WDPCP: variants seen among roughly 807,000 people sequenced by gnomAD.
WDPCP encodes WD repeat-containing and planar cell polarity effector protein fritz homolog.
A neutral mutation model predicts 93.1 loss-of-function variants in WDPCP; 71 were observed. The ratio of observed to expected loss-of-function variants is 0.76; its 90% CI spans 0.63 to 0.93. The LOEUF is 0.93. Among genes scored for constraint, WDPCP ranks in the 40% least tolerant of loss-of-function variants. The probability of loss-of-function intolerance (pLI) is 0.00; values close to 1 mark genes in which losing one functional copy is unlikely to be tolerated. For synonymous variants in WDPCP, 315 were observed against 315.0 expected (o/e 1.00, Z 0.00); for missense variants, 844 against 887.4 (o/e 0.95, Z 0.62).
At chr2:63,664,287 A>G (rs975283498) in intron 2 of WDPCP, among the ~76,000 whole-genome samples, 4 of 152,228 alleles carry the variant, frequency 2.6e-5, no homozygotes, top group African/African-American at 9.6e-5. Flanking sequence ...GGGTGGCTGG[A>G]AGAATGTCCA....
intron 3 of WDPCP, chr2:63,622,779 A>G: frequency 6.2e-7 from 1 of 1,612,490 alleles, no homozygotes; most frequent in Non-Finnish European, 8.5e-7. Context: ...GGCGGCGAAC[A>G]CTTGGTCCCA....
At chr2:63,462,000 G>T (rs1035452062) in intron 6 of WDPCP, among the ~76,000 whole-genome samples, 1 of 152,176 alleles carries the variant, frequency 6.6e-6, no homozygotes, top group Non-Finnish European at 1.5e-5. Context: ...CCATTACTGG[G>T]TGTATATCCA....
chr2:63,603,828 T>C (rs1346664082), intron 3 of WDPCP, among the ~76,000 whole-genome samples: 1 of 152,152 alleles, frequency 6.6e-6, no homozygotes, highest in Non-Finnish European at 1.5e-5. Flanking sequence ...CGGCTAACTT[T>C]GTATTTTTAG....
At chr2:63,795,216 G>A (rs1443178772) in intron 2 of WDPCP, among the ~76,000 whole-genome samples, 1 of 152,162 alleles carries the variant, frequency 6.6e-6, no homozygotes, top group African/African-American at 2.4e-5. Context: ...CCCCAAAATT[G>A]TGGAGTTGGA....
chr2:63,516,669 A>G (rs1702573713), intron 1 of WDPCP, among the ~76,000 whole-genome samples: 1 of 152,160 alleles, frequency 6.6e-6, no homozygotes, highest in South Asian at 2.1e-4. Flanking sequence ...GCTCCAGGCC[A>G]GCATTCAGAT....
At chr2:63,162,614 T>G (rs1462314603) in intron 15 of WDPCP, among the ~76,000 whole-genome samples, 1 of 152,126 alleles carries the variant, frequency 6.6e-6, no homozygotes, top group African/African-American at 2.4e-5. Context: ...AGTTAACTTA[T>G]TATTAAATAT....
intron 12 of WDPCP, among the ~76,000 whole-genome samples, chr2:63,325,310 C>T (rs566119868): frequency 3.5e-4 from 53 of 152,314 alleles, no homozygotes; most frequent in African/African-American, 1.2e-3. Flanking sequence ...AAGCCACCCC[C>T]TCGTCCATGT....
At chr2:63,714,270 G>A (rs1041922422) in intron 2 of WDPCP, among the ~76,000 whole-genome samples, 1 of 151,812 alleles carries the variant, frequency 6.6e-6, no homozygotes, top group African/African-American at 2.4e-5. Flanking sequence ...ATCTTGGCCA[G>A]CTGGTCAGGC....
At chr2:63,166,159 C>T (rs1242311220) in intron 15 of WDPCP, among the ~76,000 whole-genome samples, 1 of 151,554 alleles carries the variant, frequency 6.6e-6, no homozygotes, top group Non-Finnish European at 1.5e-5. Flanking sequence ...CTCCGCCTCT[C>T]GGGTCCAAGC....
At position 63,634,697 on chromosome 2, in the gene WDPCP, C is replaced by A. The variant is rs1709903381; in HGVS notation, n.488+15962G>T. Among the ~76,000 whole-genome samples, 2 of 151,964 alleles carry A rather than the reference C, an allele frequency of 1.3e-5. 1 individual carries two copies. The highest frequency in any genetic ancestry group is 4.1e-4 in the South Asian group (2 of 4,828). On this transcript the variant is annotated intron_variant and non_coding_transcript_variant, in intron 3 of 4. Coordinates refer to the WDPCP transcript ENST00000467687. ...TAAAATTAAACAACACACTCCAGAA[C>A]AATCAATGGATAAAAGAAGAAATCA... is the stretch of plus-strand genomic sequence containing the variant.
rs919475325 is a variant in WDPCP, at chr2:63,303,674, G to A, written c.1812+9574C>T. Among the ~76,000 whole-genome samples the A allele has an allele frequency of 3.9e-5, 6 of 152,240 alleles. No individual in the cohort carries two copies. In the South Asian group the frequency reaches 1.2e-3, roughly 32 times the overall value. ...CAGTGGGGCTAAGTAAAGATACCAGGGGCAACACGGTAAAGATTCACCGTT... is the reference window on the plus strand; with the variant it reads ...CAGTGGGGCTAAGTAAAGATACCAGAGGCAACACGGTAAAGATTCACCGTT... On this transcript the variant is annotated intron_variant, in intron 13 of 17. Transcript: ENST00000272321.
intron 12 of WDPCP, among the ~76,000 whole-genome samples, chr2:63,332,537 T>C (rs767262578): frequency 6.6e-6 from 1 of 152,182 alleles, no homozygotes. Flanking sequence ...ATTTTTTCTT[T>C]GGTAATGTGT....
intron 12 of WDPCP, among the ~76,000 whole-genome samples, chr2:63,351,107 A>G (rs575657828): frequency 6.6e-6 from 1 of 151,932 alleles, no homozygotes; most frequent in African/African-American, 2.4e-5. Flanking sequence ...TCGGCCTCTC[A>G]AGTAGCTGGG....
chr2:63,838,018 T>C, the WDPCP span, among the ~76,000 whole-genome samples: 2 of 151,824 alleles, frequency 1.3e-5, no homozygotes, highest in South Asian at 4.2e-4. Flanking sequence ...ATCCAGCTAC[T>C]CAGGAGGTGG....
Position 63,439,940 on chromosome 2 carries a change from T to C in WDPCP, c.385-69A>G, listed in dbSNP as rs1697396003. 9.6e-6 allele frequency: 11 copies of C among 1,146,020 alleles called. No homozygotes were observed. The South Asian group carries it at 1.4e-4, about 14-fold the overall frequency. The allele number at this position is 1,146,020 out of a possible 1,614,324, so 71.0% of individuals were successfully genotyped here. ...TGATTTAGAATCTTTAAAAAACCTC[T>C]CTCCAAATATACAACTTATACAGAT... On this transcript the variant is annotated intron_variant, in intron 6 of 17. Coordinates refer to ENST00000272321, the MANE Select transcript of WDPCP (RefSeq NM_015910.7).
intron 1 of WDPCP, among the ~76,000 whole-genome samples, chr2:63,585,473 G>C (rs1431180685): frequency 6.6e-6 from 1 of 151,806 alleles, no homozygotes; most frequent in Non-Finnish European, 1.5e-5. Context: ...TAATAATTTG[G>C]TCTCTGATTT....
At chr2:63,316,224 G>A (rs1686629745) in intron 12 of WDPCP, among the ~76,000 whole-genome samples, 1 of 152,048 alleles carries the variant, frequency 6.6e-6, no homozygotes, top group South Asian at 2.1e-4. Flanking sequence ...GACTACACAG[G>A]GAATTAAGTT....
intron 1 of WDPCP, among the ~76,000 whole-genome samples, chr2:63,821,064 G>A (rs990381633): frequency 6.6e-6 from 1 of 152,126 alleles, no homozygotes; most frequent in Non-Finnish European, 1.5e-5. Flanking sequence ...CATTTAATTC[G>A]ACATGTGACT....
intron 13 of WDPCP, among the ~76,000 whole-genome samples, chr2:63,285,668 G>T (rs1331329353): frequency 6.6e-6 from 1 of 152,096 alleles, no homozygotes; most frequent in African/African-American, 2.4e-5. Flanking sequence ...GGGGGAAAAA[G>T]CCATTTCATG....
Sources: gnomAD v4.1 joint callset for allele counts (sites outside exome capture counted in the v4.1 genomes callset) on GRCh38, gnomAD v4.1.1 for gene constraint, MANE v1.5 for transcripts, NCBI Gene and HGNC (gene_info 2026-07-23, HGNC 2026-07-21) for gene names.